Variants in SFRP4 observed in about 807,000 individuals in gnomAD.
The protein encoded by SFRP4 is secreted frizzled-related protein 4.
SFRP4 carries 25 observed loss-of-function variants against 36.3 expected under a neutral mutation model. That is an observed-to-expected ratio of 0.69 (90% CI 0.50 to 0.96). The LOEUF (loss-of-function observed/expected upper bound fraction) is 0.96. SFRP4 is among the 40% of genes least tolerant of loss of function. The pLI is 0.00. For synonymous variants in SFRP4, 182 were observed against 168.8 expected, an observed-to-expected ratio of 1.08 and a Z score of -0.60; for missense variants, 487 against 459.6, an observed-to-expected ratio of 1.06 and a Z score of -0.54.
chr7:37,910,294 A>T lies in SFRP4; in HGVS notation c.792-614T>A, dbSNP rs148523118. The stretch of plus-strand genomic sequence containing the variant: ...TTAGAATTAAGGAGATAATTTTTTA[A>T]ATGTTTACTTACTATCTGTATTCTA... On this transcript the variant is annotated intron_variant, in intron 4 of 5. Coordinates refer to ENST00000436072, the MANE Select transcript of SFRP4 (RefSeq NM_003014.4). 2.0e-3 allele frequency among the ~76,000 whole-genome samples: 300 copies of T among 152,086 alleles called. 1 individual carries two copies. Among genetic ancestry groups the T allele is most frequent in the African/African-American group, 6.9e-3 (287 of 41,550 alleles).
chr7:37,910,953 C>T lies in SFRP4; in HGVS notation c.791+1166G>A, dbSNP rs897847283. ...TCTCTTATTTTCAGAATTGTCTTTA[C>T]ATACCCTTACCAATTTATTAGAATC... On this transcript the variant is annotated intron_variant, in intron 4 of 5. Coordinates refer to ENST00000436072, the MANE Select transcript of SFRP4 (RefSeq NM_003014.4). Among the ~76,000 whole-genome samples, 3 of 152,202 alleles carry T rather than the reference C, an allele frequency of 2.0e-5. No individual in the cohort carries two copies. The East Asian group carries it at 5.8e-4, about 29-fold the overall frequency.
At position 37,912,122 on chromosome 7, in the gene SFRP4, G is replaced by A; in HGVS notation, c.788C>T (p.Ser263Leu). ...DVLIMCYEWR[S>L]RMMLLENCLV... ...CCTTCTGCCTCTTTGTGCCTACCTTGAGCGCCACTCGTAACACATGATGAG... is the reference window on the plus strand; with the variant it reads ...CCTTCTGCCTCTTTGTGCCTACCTTAAGCGCCACTCGTAACACATGATGAG... The change falls in exon 4 of 6, where the codon TCA becomes TTA. Residue 263 changes from serine to leucine, a missense_variant. Physicochemically the swap from Ser to Leu is moderately radical, Grantham distance 145. Coordinates refer to ENST00000436072, the MANE Select transcript of SFRP4 (RefSeq NM_003014.4). The A allele has an allele frequency of 1.2e-6, 2 of 1,613,278 alleles. No individual in the cohort carries two copies. The highest frequency in any genetic ancestry group is 1.7e-6 in the Non-Finnish European group (2 of 1,179,264).
chr7:37,914,180 C>A, intron 3 of SFRP4, 33 bp downstream of exon 3: 1 of 1,556,152 alleles, frequency 6.4e-7, no homozygotes, highest in Non-Finnish European at 8.9e-7. Context: ...TGAACCAAGT[C>A]TCAAAAGTAA....
chr7:37,916,151 A>C lies in SFRP4; in HGVS notation c.387T>G (p.Pro129=). The change falls in exon 1 of 6, where the codon CCT becomes CCG. Residue 129 remains proline, a synonymous_variant. Transcript: ENST00000436072. This position sits in a 1 kb window ranked among gnomAD's most constrained non-coding sequence, Gnocchi z 4.1. The part of the protein sequence containing the change: ...WPESLACDEL[P]VYDRGVCISP... ...AGATGCACACGCCACGGTCATAGAC[A>C]GGCAGCTCGTCGCAGGCCAGGCTTT... 6.2e-7 allele frequency: 1 copy of C among 1,614,052 alleles called. No individual in the cohort carries two copies. Among genetic ancestry groups the C allele is most frequent in the Non-Finnish European group, 8.5e-7 (1 of 1,180,028 alleles).
At chr7:37,911,078 G>A (rs551187158) in intron 4 of SFRP4, among the ~76,000 whole-genome samples, 4 of 152,270 alleles carry the variant, frequency 2.6e-5, no homozygotes, top group African/African-American at 9.6e-5. Context: ...CCAACAACCT[G>A]GTATCCCCAA....
At position 37,916,518 on chromosome 7, in the gene SFRP4, A is replaced by G. The variant is rs1376302743; in HGVS notation, c.20T>C (p.Val7Ala). The change falls in exon 1 of 6, where the codon GTG becomes GCG. Residue 7 changes from valine (V) to alanine (A), a missense_variant. By Grantham distance (64) the Val-to-Ala change is moderately conservative (BLOSUM62 0). Transcript: ENST00000436072. The surrounding 1 kb of genome is among the most constrained non-coding windows in gnomAD (Gnocchi z 4.1). The part of the protein sequence containing the change: MFLSIL[V>A]ALCLWLHLAL... The stretch of plus-strand genomic sequence containing the variant: ...CAGGTGCAGCCACAGGCACAGCGCC[A>G]CTAGGATGGAGAGGAACATGGCACT... 1.2e-6 allele frequency: 2 copies of G among 1,609,858 alleles called. No homozygotes were observed. The highest frequency in any genetic ancestry group is 1.7e-6 in the Non-Finnish European group (2 of 1,179,420).
Position 37,916,362 on chromosome 7 carries a change from T to A in SFRP4, c.176A>T (p.Glu59Val). ...CACGTCCACCAGCTCCTCGTACTGC[T>A]CGATGGCCAGGATGGCGTTCTCCTG... The part of the protein sequence containing the change: ...STQENAILAI[E>V]QYEELVDVNC... Residue 59 changes from glutamate to valine, a missense_variant, in exon 1 of 6, where the codon GAG becomes GTG. Physicochemically the swap from Glu to Val is moderately radical, Grantham distance 121. Coordinates refer to ENST00000436072, the MANE Select transcript of SFRP4 (RefSeq NM_003014.4). The surrounding 1 kb of genome is among the most constrained non-coding windows in gnomAD (Gnocchi z 4.1). 1.2e-6 allele frequency: 2 copies of A among 1,614,168 alleles called. No individual in the cohort carries two copies. Among genetic ancestry groups the A allele is most frequent in the Non-Finnish European group, 1.7e-6 (2 of 1,180,016 alleles).
rs933601611 is a variant in SFRP4, at chr7:37,916,638, T to G, written c.-101A>C. 8.2e-6 allele frequency: 12 copies of G among 1,464,342 alleles called. No homozygotes were observed. In the African/African-American group the frequency reaches 1.5e-4, roughly 19 times the overall value. The allele number at this position is 1,464,342 out of a possible 1,614,324, so 90.7% of individuals were successfully genotyped here. A position where few individuals can be genotyped will look rare whatever the true frequency, so the allele number is the denominator to read the frequency against. ...TCCCTTCGCCGAGGAAGAAATCCTC[T>G]GGGGCGCAGGAGAGTTTCTTCCCCC... On this transcript the variant is annotated 5_prime_UTR_variant, in exon 1 of 6. Transcript: ENST00000436072. This position sits in a 1 kb window ranked among gnomAD's most constrained non-coding sequence, Gnocchi z 4.1.
rs761497415 is a variant in SFRP4, at chr7:37,916,223, G to A, written c.315C>T (p.Arg105=). The A allele has an allele frequency of 6.2e-6, 10 of 1,614,040 alleles. No homozygotes were observed. Among genetic ancestry groups the A allele is most frequent in the Non-Finnish European group, 8.5e-6 (10 of 1,180,040 alleles). The part of the protein sequence containing the change: ...KPCKSVCQRA[R]DDCEPLMKMY... ...TCTTCATGAGGGGCTCGCAGTCGTC[G>A]CGCGCGCGTTGGCACACCGACTTGC... Residue 105 remains arginine (R), a synonymous_variant, in exon 1 of 6, where the codon CGC becomes CGT. Transcript: ENST00000436072. This position sits in a 1 kb window ranked among gnomAD's most constrained non-coding sequence, Gnocchi z 4.1.
intron 4 of SFRP4, 106 bp from the exon 5 acceptor site, chr7:37,909,786 A>G (rs957551702): frequency 1.8e-6 from 1 of 567,814 alleles, no homozygotes. Context: ...CCCATAATCC[A>G]CACATCCACC....
intron 3 of SFRP4, 47 bp from the exon 4 acceptor site, chr7:37,912,364 A>G (rs566729876): frequency 1.3e-6 from 2 of 1,484,276 alleles, no homozygotes; most frequent in African/African-American, 2.8e-5. Context: ...TTTTGGGGAA[A>G]AACTAGGGAT....
chr7:37,908,326 T>A (rs1394408557), intron 5 of SFRP4, among the ~76,000 whole-genome samples: 1 of 152,222 alleles, frequency 6.6e-6, no homozygotes, highest in Non-Finnish European at 1.5e-5. Context: ...TGAGTCCACT[T>A]GAATTGACAT....
chr7:37,912,526 G>A (rs1785510905), intron 3 of SFRP4, among the ~76,000 whole-genome samples: 1 of 152,064 alleles, frequency 6.6e-6, no homozygotes, highest in South Asian at 2.1e-4. Flanking sequence ...TAAATGTTCC[G>A]GGGCATACTG....
At chr7:37,915,737 G>T (rs1785562685) in intron 1 of SFRP4, among the ~76,000 whole-genome samples, 1 of 152,102 alleles carries the variant, frequency 6.6e-6, no homozygotes, top group Non-Finnish European at 1.5e-5. Context: ...ATTATTTTGG[G>T]CATTAAATGA....
chr7:37,911,875 A>T (rs1448050202), intron 4 of SFRP4, among the ~76,000 whole-genome samples: 1 of 127,714 alleles, frequency 7.8e-6, no homozygotes, highest in African/African-American at 2.8e-5. Context: ...TTTTGAAGTC[A>T]CTTAATGAAT....
Position 37,914,514 on chromosome 7 carries a change from T to C in SFRP4, c.446-61A>G. On this transcript the variant is annotated intron_variant, in intron 1 of 5. Transcript: ENST00000436072. ...TGATTTGGTCTGTTCACCCAGCTGG[T>C]ATAAAGAGCCCTCTGAAGATATAAA... is the stretch of plus-strand genomic sequence containing the variant. 6 of 1,128,390 alleles carry C rather than the reference T, an allele frequency of 5.3e-6. No homozygotes were observed. In the South Asian group the frequency reaches 7.4e-5, roughly 14 times the overall value. 69.9% of individuals were successfully genotyped at this position (1,128,390 alleles called of 1,614,324 possible).
At chr7:37,909,159 T>C (rs1167209480) in intron 5 of SFRP4, among the ~76,000 whole-genome samples, 1 of 152,194 alleles carries the variant, frequency 6.6e-6, no homozygotes, top group African/African-American at 2.4e-5. Context: ...GATTACTTTT[T>C]GCATATAATT....
At position 37,914,334 on chromosome 7, in the gene SFRP4, A is replaced by G. The variant is rs193276620; in HGVS notation, c.526+39T>C. ...AAAAAGAACAGAAATCACTCTGGAG[A>G]GGAGAAGTAGAGGGAACGTCCATGA... On this transcript the variant is annotated intron_variant, in intron 2 of 5. Coordinates refer to ENST00000436072, the MANE Select transcript of SFRP4 (RefSeq NM_003014.4). The G allele has an allele frequency of 6.6e-5, 107 of 1,609,766 alleles. No homozygotes were observed. The African/African-American group carries it at 7.9e-4, about 12-fold the overall frequency.
In SFRP4 at chr7:37,916,357, AC is replaced by A; in HGVS notation, c.180del (p.Gln60HisfsTer8). 1 of 1,614,192 alleles carries A rather than the reference AC, an allele frequency of 6.2e-7. No homozygotes were observed. The highest frequency in any genetic ancestry group is 1.7e-5 in the Admixed American group (1 of 60,028). On this transcript the variant is annotated frameshift_variant, in exon 1 of 6. Coordinates refer to ENST00000436072, the MANE Select transcript of SFRP4 (RefSeq NM_003014.4). LOFTEE classifies it high-confidence loss of function. The surrounding 1 kb of genome is among the most constrained non-coding windows in gnomAD (Gnocchi z 4.1). ...CAGTTCACGTCCACCAGCTCCTCGTACTGCTCGATGGCCAGGATGGCGTTCT... is the reference window on the plus strand; with the variant it reads ...CAGTTCACGTCCACCAGCTCCTCGTATGCTCGATGGCCAGGATGGCGTTCT... ...TQENAILAIE[Q>X]YEELVDVNCS...
Sources: allele counts gnomAD v4.1 joint callset (sites outside exome capture counted in the v4.1 genomes callset), GRCh38; gene constraint gnomAD v4.1.1; non-coding constraint Gnocchi (gnomAD v3.1); transcripts MANE v1.5; gene names NCBI Gene and HGNC (gene_info 2026-07-23, HGNC 2026-07-21).